Variants in LOXL2 observed in about 807,000 individuals in gnomAD.
LOXL2 encodes the protein lysyl oxidase like 2.
In LOXL2, 70 loss-of-function variants were observed where a neutral mutation model predicts 93.0. That is an observed-to-expected ratio of 0.75 (90% CI 0.62 to 0.92). The LOEUF (loss-of-function observed/expected upper bound fraction) is 0.92, where lower values mean the gene tolerates loss of function less well. LOXL2 is among the 40% of genes least tolerant of loss of function. The pLI, the probability that LOXL2 is intolerant of heterozygous loss-of-function variation, is 0.00. For synonymous variants in LOXL2, 438 were observed against 413.2 expected, an observed-to-expected ratio of 1.06 and a Z score of -0.73; for missense variants, 973 against 1,054.9, an observed-to-expected ratio of 0.92 and a Z score of 1.08.
rs757837599 is a variant in LOXL2 at position 23,322,175 on chromosome 8, A to T, written c.1257T>A (p.Asp419Glu). Residue 419 changes from aspartate to glutamate, a missense_variant, in exon 7 of 14, where the codon GAT becomes GAA. By Grantham distance (45) the Asp-to-Glu change is conservative (BLOSUM62 2). Coordinates refer to ENST00000389131, the MANE Select transcript of LOXL2 (RefSeq NM_002318.3). ...AESQGCNHEE[D>E]AGVRCNTPAM... ...CAGGGGTGTTGCATCTCACACCAGC[A>T]TCCTCCTCGTGGTTGCAGCCCTGAG... is the stretch of plus-strand genomic sequence containing the variant. 8.7e-6 allele frequency: 14 copies of T among 1,614,068 alleles called. No individual in the cohort carries two copies. The African/African-American group carries it at 1.7e-4, about 20-fold the overall frequency.
At chr8:23,390,857 A>G (rs1804833415) in intron 1 of LOXL2, among the ~76,000 whole-genome samples, 1 of 152,136 alleles carries the variant, frequency 6.6e-6, no homozygotes, top group Non-Finnish European at 1.5e-5. Context: ...CATACCTGAG[A>G]TGGGGTAATT....
At chr8:23,362,606 C>T (rs759118505) in intron 2 of LOXL2, among the ~76,000 whole-genome samples, 3 of 152,044 alleles carry the variant, frequency 2.0e-5, no homozygotes, top group South Asian at 2.1e-4. Flanking sequence ...TGGTGGCGCA[C>T]GCCTGTAGTC....
Position 23,360,135 on chromosome 8 carries a change from C to A in LOXL2, c.486G>T (p.Arg162Ser). The A allele has an allele frequency of 6.2e-7, 1 of 1,611,428 alleles. No individual in the cohort carries two copies. Among genetic ancestry groups the A allele is most frequent in the South Asian group, 1.1e-5 (1 of 91,018 alleles). ...AATTGTCAAATTTGAACCCAGGAATCCTTTTGTCGCTGCACACCACACCGA... is the reference window on the plus strand; with the variant it reads ...AATTGTCAAATTTGAACCCAGGAATACTTTTGTCGCTGCACACCACACCGA... ...EDVGVVCSDK[R>S]IPGFKFDNSL... is the part of the protein sequence containing the mutation. Residue 162 changes from arginine (R) to serine (S), a missense_variant, in exon 3 of 14, where the codon AGG (arginine) becomes AGT (serine). By Grantham distance (110) the Arg-to-Ser change is moderately radical (BLOSUM62 -1). Coordinates refer to ENST00000389131, the MANE Select transcript of LOXL2 (RefSeq NM_002318.3).
intron 1 of LOXL2, among the ~76,000 whole-genome samples, chr8:23,390,730 C>T (rs1033819118): frequency 1.3e-5 from 2 of 152,194 alleles, no homozygotes; most frequent in African/African-American, 4.8e-5. Flanking sequence ...CATCTCTTCT[C>T]TGCAGCTCAT....
At chr8:23,379,084 G>T (rs1305319285) in intron 1 of LOXL2, among the ~76,000 whole-genome samples, 2 of 152,156 alleles carry the variant, frequency 1.3e-5, no homozygotes, top group African/African-American at 4.8e-5. Flanking sequence ...TTCGGTCCTT[G>T]ATGATGGTGA....
chr8:23,385,471 A>G (rs1804746478), intron 1 of LOXL2, among the ~76,000 whole-genome samples: 1 of 149,806 alleles, frequency 6.7e-6, no homozygotes, highest in Non-Finnish European at 1.5e-5. Flanking sequence ...TGTTGGCTAG[A>G]CTGGTCTTGA....
At chr8:23,395,534 T>C (rs757443025) in intron 1 of LOXL2, among the ~76,000 whole-genome samples, 4 of 152,114 alleles carry the variant, frequency 2.6e-5, no homozygotes, top group African/African-American at 9.7e-5. Context: ...CTGAAATCCA[T>C]TGACTTGTAC....
chr8:23,303,423 A>G (rs1205221984), intron 10 of LOXL2, 26 bp from the exon 11 acceptor site: 1 of 1,402,248 alleles, frequency 7.1e-7, no homozygotes, highest in South Asian at 1.2e-5. Flanking sequence ...GATGGCCTGG[A>G]GGTCAGTTTC....
intron 1 of LOXL2, among the ~76,000 whole-genome samples, chr8:23,373,307 G>A (rs531569628): frequency 1.3e-5 from 2 of 152,086 alleles, no homozygotes; most frequent in Admixed American, 1.3e-4. Flanking sequence ...GCCAGCGGAG[G>A]GGGGGCCTAA....
chr8:23,379,964 G>T (rs546254169), intron 1 of LOXL2, among the ~76,000 whole-genome samples: 14 of 149,880 alleles, frequency 9.3e-5, no homozygotes, highest in African/African-American at 3.5e-4. Context: ...ACTGTCCTAC[G>T]AGCCCCAGTG....
intron 2 of LOXL2, chr8:23,364,158 G>A (rs965252733): frequency 6.6e-6 from 1 of 151,984 alleles, no homozygotes; most frequent in Non-Finnish European, 1.5e-5. Context: ...TTACAGGCAT[G>A]AGCCACTGCA....
chr8:23,327,175 G>A (rs954501296), intron 6 of LOXL2, among the ~76,000 whole-genome samples: 3 of 152,202 alleles, frequency 2.0e-5, no homozygotes, highest in African/African-American at 7.2e-5. Flanking sequence ...CTGACCCACT[G>A]CAGGCTAGGG....
chr8:23,319,907 C>A lies in LOXL2; in HGVS notation c.1448G>T (p.Gly483Val), dbSNP rs527544206. ...AMVVCRQLGL[G>V]FASNAFQETW... ...CACCTGGAAGGCGTTGCTGGCGAATCCCAGGCCCAGCTGGCGGCAGACCAC... is the reference window on the plus strand; with the variant it reads ...CACCTGGAAGGCGTTGCTGGCGAATACCAGGCCCAGCTGGCGGCAGACCAC... The change falls in exon 8 of 14, where the codon GGA (glycine) becomes GTA (valine). Residue 483 changes from glycine (G) to valine (V), a missense_variant. Physicochemically the swap from Gly to Val is moderately radical, Grantham distance 109. Transcript: ENST00000389131. 2 of 1,613,878 alleles carry A rather than the reference C, an allele frequency of 1.2e-6. No homozygotes were observed. Among genetic ancestry groups the A allele is most frequent in the African/African-American group, 2.7e-5 (2 of 75,028 alleles).
rs1441222446 is a variant in LOXL2 at position 23,328,629 on chromosome 8, C to A, written c.967-64G>T. ...TGCACGTTCAGCGGGTGACCACTGT[C>A]CCCGCCCCCTCCCTTCCCTGCCACC... is the stretch of plus-strand genomic sequence containing the variant. On this transcript the variant is annotated intron_variant, in intron 5 of 13. Transcript: ENST00000389131. 3 of 1,499,216 alleles carry A rather than the reference C, an allele frequency of 2.0e-6. No homozygotes were observed. The African/African-American group carries it at 4.1e-5, about 21-fold the overall frequency. The allele number at this position is 1,499,216 out of a possible 1,614,324, so 92.9% of individuals were successfully genotyped here. A position where few individuals can be genotyped will look rare whatever the true frequency, so the allele number is the denominator to read the frequency against.
At position 23,322,190 on chromosome 8, in the gene LOXL2, G is replaced by A. The variant is rs1344141344; in HGVS notation, c.1242C>T (p.Cys414=). Reference sequence around the variant, plus strand: ...TCACACCAGCATCCTCCTCGTGGTTGCAGCCCTGAGACTCGGCATTGAACT... The same window carrying A: ...TCACACCAGCATCCTCCTCGTGGTTACAGCCCTGAGACTCGGCATTGAACT... The part of the protein sequence containing the change: ...DCKFNAESQG[C]NHEEDAGVRC... The change falls in exon 7 of 14, where the codon TGC becomes TGT. Residue 414 remains cysteine, a synonymous_variant. Coordinates refer to ENST00000389131, the MANE Select transcript of LOXL2 (RefSeq NM_002318.3). The A allele has an allele frequency of 4.3e-6, 7 of 1,614,218 alleles. No homozygotes were observed. The highest frequency in any genetic ancestry group is 5.9e-6 in the Non-Finnish European group (7 of 1,180,026).
intron 1 of LOXL2, among the ~76,000 whole-genome samples, chr8:23,379,894 G>C (rs1417153293): frequency 6.6e-6 from 1 of 152,100 alleles, no homozygotes; most frequent in African/African-American, 2.4e-5. Flanking sequence ...TCCTGGGTGA[G>C]GGGATGCCTC....
intron 1 of LOXL2, among the ~76,000 whole-genome samples, chr8:23,375,804 G>A (rs961172716): frequency 6.6e-6 from 1 of 152,162 alleles, no homozygotes; most frequent in African/African-American, 2.4e-5. Flanking sequence ...CTGAGACTTT[G>A]CTGAAGTTGC....
At chr8:23,343,669 T>C (rs937256000) in intron 3 of LOXL2, among the ~76,000 whole-genome samples, 9 of 152,302 alleles carry the variant, frequency 5.9e-5, no homozygotes, top group Non-Finnish European at 8.8e-5. Context: ...CCTGGAGTGA[T>C]GGCACTTGGC....
At chr8:23,304,421 G>A (rs575813457) in intron 10 of LOXL2, among the ~76,000 whole-genome samples, 11 of 152,300 alleles carry the variant, frequency 7.2e-5, no homozygotes, top group African/African-American at 2.6e-4. Flanking sequence ...GTCTTAGCCC[G>A]ATCCCAACCT....
Sources: allele counts gnomAD v4.1 joint callset (sites outside exome capture counted in the v4.1 genomes callset), GRCh38; gene constraint gnomAD v4.1.1; transcripts MANE v1.5; gene names NCBI Gene and HGNC (gene_info 2026-07-23, HGNC 2026-07-21).